The following KCNN2 variants were observed in gnomAD, a reference collection of about 807,000 sequenced individuals.
The protein encoded by KCNN2 is small conductance calcium-activated potassium channel protein 2.
A neutral mutation model predicts 55.5 loss-of-function variants in KCNN2; 24 were observed. The observed-to-expected ratio is 0.43, with a 90% CI of 0.31 to 0.61. KCNN2 has a LOEUF of 0.61. KCNN2 is among the 20% of genes least tolerant of loss of function. The probability of loss-of-function intolerance (pLI) is 0.08; values close to 1 mark genes in which losing one functional copy is unlikely to be tolerated. For missense variants in KCNN2, 754 were observed against 853.6 expected, an observed-to-expected ratio of 0.88 and a Z score of 1.45; for synonymous variants, 431 against 336.1, an observed-to-expected ratio of 1.28 and a Z score of -3.09.
rs1317393003 is a variant in KCNN2 at position 114,493,394 on chromosome 5, A to G, written c.2019-9A>G. ...GGGAACCTTTCTGATACCAGATTCT[A>G]TCTTTTAGATTAAGAAGTGTAAAAA... On this transcript the variant is annotated splice_polypyrimidine_tract_variant and intron_variant, in intron 6 of 7. Transcript: ENST00000673685. 7.1e-6 allele frequency: 11 copies of G among 1,541,382 alleles called. No homozygotes were observed. Among genetic ancestry groups the G allele is most frequent in the South Asian group, 2.2e-5 (2 of 89,646 alleles).
At chr5:114,211,538 C>A (rs541459463) in intron 1 of KCNN2, among the ~76,000 whole-genome samples, 1 of 152,106 alleles carries the variant, frequency 6.6e-6, no homozygotes, top group African/African-American at 2.4e-5. Flanking sequence ...AAGAGGGGAA[C>A]AACAGACTCT....
intron 1 of KCNN2, among the ~76,000 whole-genome samples, chr5:114,120,818 A>G (rs1751816582): frequency 6.6e-6 from 1 of 152,218 alleles, no homozygotes; most frequent in South Asian, 2.1e-4. Flanking sequence ...AGTGTCAAGA[A>G]ATACTGACAC....
At chr5:114,107,384 T>C (rs954762936) in intron 1 of KCNN2, among the ~76,000 whole-genome samples, 5 of 152,042 alleles carry the variant, frequency 3.3e-5, no homozygotes, top group Admixed American at 1.3e-4. Flanking sequence ...CTCTTTGTGT[T>C]ATAATGTGCA....
At chr5:114,482,231 T>G (rs1011052503) in intron 5 of KCNN2, among the ~76,000 whole-genome samples, 1 of 152,012 alleles carries the variant, frequency 6.6e-6, no homozygotes, top group African/African-American at 2.4e-5. Context: ...AACAGACACG[T>G]CTTAAAAGAA....
chr5:114,369,957 T>C (rs1178411956), intron 2 of KCNN2, among the ~76,000 whole-genome samples: 1 of 152,146 alleles, frequency 6.6e-6, no homozygotes, highest in East Asian at 1.9e-4. Context: ...GCAGCCTGCG[T>C]TGATTTAACT....
chr5:114,461,825 C>A (rs927203172), intron 3 of KCNN2, among the ~76,000 whole-genome samples: 11 of 151,946 alleles, frequency 7.2e-5, no homozygotes, highest in African/African-American at 2.7e-4. Context: ...TCCTTGCCAC[C>A]ACAGCCCTGG....
chr5:114,137,749 G>A (rs1752202650), intron 1 of KCNN2, among the ~76,000 whole-genome samples: 1 of 151,902 alleles, frequency 6.6e-6, no homozygotes, highest in African/African-American at 2.4e-5. Flanking sequence ...GGTGGCAAAT[G>A]ATTTATGAAA....
chr5:114,317,543 A>C (rs2150028180), intron 2 of KCNN2, among the ~76,000 whole-genome samples: 1 of 152,244 alleles, frequency 6.6e-6, no homozygotes, highest in South Asian at 2.1e-4. Flanking sequence ...CTGGAAATTA[A>C]CCTCTTTCTG....
At chr5:114,342,225 C>T (rs1184623164) in intron 2 of KCNN2, among the ~76,000 whole-genome samples, 1 of 151,734 alleles carries the variant, frequency 6.6e-6, no homozygotes, top group Non-Finnish European at 1.5e-5. Flanking sequence ...TAAATTATAT[C>T]TCCAGAATTG....
intron 2 of KCNN2, among the ~76,000 whole-genome samples, chr5:114,396,522 G>A (rs1758623099): frequency 6.6e-6 from 1 of 151,280 alleles, no homozygotes; most frequent in African/African-American, 2.4e-5. Context: ...TATGTAATAA[G>A]CATATAAGCA....
intron 2 of KCNN2, among the ~76,000 whole-genome samples, chr5:114,257,161 T>C (rs944552695): frequency 1.3e-5 from 2 of 152,130 alleles, no homozygotes; most frequent in African/African-American, 4.8e-5. Flanking sequence ...CAAAGATCAG[T>C]TAGCTGTAGG....
chr5:114,156,355 G>GACT (rs1273423348), intron 1 of KCNN2, among the ~76,000 whole-genome samples: 1 of 152,112 alleles, frequency 6.6e-6, no homozygotes, highest in Non-Finnish European at 1.5e-5. Context: ...GCCTTGCCTT[G>GACT]ACTATATGGG....
chr5:114,478,923 G>A (rs994521767), intron 5 of KCNN2, among the ~76,000 whole-genome samples: 4 of 152,198 alleles, frequency 2.6e-5, no homozygotes, highest in East Asian at 1.9e-4. Context: ...AGGAAAAGCC[G>A]TTACCACCCA....
chr5:114,379,403 A>G (rs767881869), intron 2 of KCNN2, among the ~76,000 whole-genome samples: 76 of 149,326 alleles, frequency 5.1e-4, no homozygotes, highest in Non-Finnish European at 1.0e-3. Flanking sequence ...TTATGAATAT[A>G]CTTACTGAAT....
rs572317971 is a variant in KCNN2 at position 114,210,631 on chromosome 5, A to C, written c.-270-10849A>C. Among the ~76,000 whole-genome samples, 14 of 152,322 alleles carry C rather than the reference A, an allele frequency of 9.2e-5. No homozygotes were observed. In the East Asian group the frequency reaches 2.7e-3, roughly 29 times the overall value. ...TGCTATATATAAAACCAAAGTGTGA[A>C]AATTAATCTATAAATGCTATAGTAA... On this transcript the variant is annotated intron_variant, in intron 1 of 10. Coordinates refer to the KCNN2 transcript ENST00000512097.
chr5:114,439,416 G>A (rs1760129051), intron 3 of KCNN2, among the ~76,000 whole-genome samples: 1 of 152,124 alleles, frequency 6.6e-6, no homozygotes, highest in South Asian at 2.1e-4. Context: ...TTCTTACTAA[G>A]GATCAGTGTT....
chr5:114,359,262 A>G (rs1757359870), upstream of KCNN2, among the ~76,000 whole-genome samples: 1 of 152,166 alleles, frequency 6.6e-6, no homozygotes, highest in Non-Finnish European at 1.5e-5. Context: ...GTTGTGAATC[A>G]AATTTCCATT....
chr5:114,284,708 C>T (rs1229024724), intron 2 of KCNN2, among the ~76,000 whole-genome samples: 3 of 151,702 alleles, frequency 2.0e-5, no homozygotes, highest in Non-Finnish European at 1.5e-5. Flanking sequence ...TTAGTAGAGA[C>T]GGGGTTTCAC....
intron 2 of KCNN2, among the ~76,000 whole-genome samples, chr5:114,351,346 G>T (rs1302920762): frequency 1.3e-5 from 2 of 151,704 alleles, no homozygotes; most frequent in Non-Finnish European, 1.5e-5. Flanking sequence ...GAGCATTTTA[G>T]TGAATTCCTT....
Sources: gnomAD v4.1 joint callset for allele counts (sites outside exome capture counted in the v4.1 genomes callset) on GRCh38, gnomAD v4.1.1 for gene constraint, MANE v1.5 for transcripts, NCBI Gene and HGNC (gene_info 2026-07-23, HGNC 2026-07-21) for gene names.